Variants in EPHA3 observed in about 807,000 individuals in gnomAD.
EPHA3 encodes EPH receptor A3.
Under a neutral mutation model 107.1 loss-of-function variants are expected in EPHA3, and 42 were observed. That is an observed-to-expected ratio of 0.39 (90% CI 0.31 to 0.51). The LOEUF is 0.51. Ranked by LOEUF, EPHA3 falls within the 20% of genes least tolerant of loss-of-function variation. The probability of loss-of-function intolerance (pLI) is 0.78; values close to 1 mark genes in which losing one functional copy is unlikely to be tolerated. For missense variants in EPHA3, 1,183 were observed against 1,211.2 expected, an observed-to-expected ratio of 0.98 and a Z score of 0.35; for synonymous variants, 461 against 424.8, an observed-to-expected ratio of 1.09 and a Z score of -1.05.
At chr3:89,196,477 G>A (rs930131202) in intron 2 of EPHA3, among the ~76,000 whole-genome samples, 1 of 148,124 alleles carries the variant, frequency 6.8e-6, no homozygotes, top group African/African-American at 2.7e-5. Context: ...GCACCTTATA[G>A]AGTCACTAGT....
Position 89,171,211 on chromosome 3 carries a change from G to A in EPHA3, c.154-38649G>A, listed in dbSNP as rs181722670. ...TTATATAGCAGGCTTAACTACCTCT[G>A]TGGTAAGTTCTCTGTGAGAGAATAT... On this transcript the variant is annotated intron_variant, in intron 2 of 16. Coordinates refer to ENST00000336596, the MANE Select transcript of EPHA3 (RefSeq NM_005233.6). 1.6e-3 allele frequency among the ~76,000 whole-genome samples: 239 copies of A among 152,196 alleles called. 2 individuals carry two copies. Among genetic ancestry groups the A allele is most frequent in the African/African-American group, 5.5e-3 (230 of 41,520 alleles).
chr3:89,179,617 G>C (rs1284654990), intron 2 of EPHA3, among the ~76,000 whole-genome samples: 1 of 149,984 alleles, frequency 6.7e-6, no homozygotes, highest in South Asian at 2.1e-4. Context: ...CAGCCTTTGA[G>C]CCCAATGCTA....
At chr3:89,184,861 A>G (rs1335767716) in intron 2 of EPHA3, among the ~76,000 whole-genome samples, 1 of 152,064 alleles carries the variant, frequency 6.6e-6, no homozygotes, top group Non-Finnish European at 1.5e-5. Context: ...GCTGGAAACT[A>G]CTGCTCCCAG....
At chr3:89,111,892 T>A (rs1228835855) in intron 1 of EPHA3, among the ~76,000 whole-genome samples, 1 of 152,256 alleles carries the variant, frequency 6.6e-6, no homozygotes, top group East Asian at 1.9e-4. Flanking sequence ...ATAAACTCTT[T>A]TAGATATTAC....
intron 3 of EPHA3, among the ~76,000 whole-genome samples, chr3:89,246,707 A>G (rs1705041538): frequency 6.6e-6 from 1 of 152,238 alleles, no homozygotes; most frequent in Admixed American, 6.5e-5. Flanking sequence ...TCTTTGATAG[A>G]AATATGTATA....
At chr3:89,390,556 T>C (rs539068920) in intron 5 of EPHA3, among the ~76,000 whole-genome samples, 78 of 145,010 alleles carry the variant, frequency 5.4e-4, no homozygotes, top group Admixed American at 3.7e-3. Flanking sequence ...GCCAAGATCG[T>C]GCCACCGCAC....
intron 11 of EPHA3, among the ~76,000 whole-genome samples, chr3:89,426,237 C>T (rs573377747): frequency 1.3e-5 from 2 of 151,666 alleles, no homozygotes; most frequent in Non-Finnish European, 1.5e-5. Flanking sequence ...TGGCATAATG[C>T]GCAGATGAGC....
intron 1 of EPHA3, among the ~76,000 whole-genome samples, chr3:89,115,000 G>T (rs1418317128): frequency 6.6e-6 from 1 of 152,172 alleles, no homozygotes; most frequent in Middle Eastern, 3.2e-3. Flanking sequence ...TCTGGAAGTG[G>T]CGTGTCTCTT....
At chr3:89,189,922 G>C (rs1432433340) in intron 2 of EPHA3, among the ~76,000 whole-genome samples, 1 of 152,042 alleles carries the variant, frequency 6.6e-6, no homozygotes, top group African/African-American at 2.4e-5. Flanking sequence ...ATTTAATACT[G>C]GAAAACAAAT....
At chr3:89,204,505 CA>C (rs1706052695) in intron 2 of EPHA3, among the ~76,000 whole-genome samples, 9 of 86,416 alleles carry the variant, frequency 1.0e-4, no homozygotes, top group African/African-American at 2.2e-4. Context: ...CACACACACA[CA>C]CCCCAAACAA....
At chr3:89,115,300 A>C (rs541119387) in intron 1 of EPHA3, among the ~76,000 whole-genome samples, 10 of 150,714 alleles carry the variant, frequency 6.6e-5, no homozygotes, top group Non-Finnish European at 1.0e-4. Flanking sequence ...TGCCACCTTT[A>C]GGCCCCTAGT....
intron 2 of EPHA3, among the ~76,000 whole-genome samples, chr3:89,144,004 A>G (rs1284809539): frequency 2.6e-5 from 4 of 151,560 alleles, no homozygotes; most frequent in African/African-American, 4.8e-5. Flanking sequence ...TTACCCCCAC[A>G]GTTTCCTCCA....
chr3:89,222,188 C>T (rs996962499), intron 3 of EPHA3, among the ~76,000 whole-genome samples: 1 of 151,840 alleles, frequency 6.6e-6, no homozygotes, highest in Non-Finnish European at 1.5e-5. Flanking sequence ...TTGCTATGTG[C>T]CCAATGTGTA....
chr3:89,441,752 T>C (rs898614270), intron 13 of EPHA3, among the ~76,000 whole-genome samples: 9 of 152,180 alleles, frequency 5.9e-5, no homozygotes, highest in African/African-American at 2.2e-4. Flanking sequence ...ATGCATACGC[T>C]CTGTGATGAA....
At chr3:89,310,379 A>G (rs988017517) in intron 3 of EPHA3, among the ~76,000 whole-genome samples, 1 of 151,876 alleles carries the variant, frequency 6.6e-6, no homozygotes, top group East Asian at 1.9e-4. Flanking sequence ...AAATTCATTA[A>G]TTTTTTTTAA....
intron 2 of EPHA3, among the ~76,000 whole-genome samples, chr3:89,174,640 T>C (rs532763389): frequency 2.6e-5 from 4 of 152,072 alleles, no homozygotes; most frequent in Non-Finnish European, 5.9e-5. Context: ...ATTATATCCT[T>C]AATAATATAG....
At chr3:89,440,504 T>C (rs1237896558) in intron 13 of EPHA3, among the ~76,000 whole-genome samples, 1 of 152,218 alleles carries the variant, frequency 6.6e-6, no homozygotes, top group Non-Finnish European at 1.5e-5. Flanking sequence ...ACTCCTTCTC[T>C]TTAGAAATCA....
chr3:89,287,267 C>T (rs1512909), intron 3 of EPHA3, among the ~76,000 whole-genome samples: 13,585 of 152,024 alleles, frequency 0.089, 678 homozygotes, highest in Middle Eastern at 0.19. Flanking sequence ...CCTGATTTTA[C>T]GGATGGGAGA....
intron 13 of EPHA3, among the ~76,000 whole-genome samples, chr3:89,436,833 G>T (rs1388773330): frequency 6.6e-6 from 1 of 151,984 alleles, no homozygotes; most frequent in Admixed American, 6.6e-5. Context: ...GATATGAAAG[G>T]GTCAGCTAAG....
Sources: allele counts gnomAD v4.1 joint callset (sites outside exome capture counted in the v4.1 genomes callset), GRCh38; gene constraint gnomAD v4.1.1; transcripts MANE v1.5; gene names NCBI Gene and HGNC (gene_info 2026-07-23, HGNC 2026-07-21).